The following LHFPL2 variants were observed in gnomAD, a reference collection of about 807,000 sequenced individuals.
LHFPL2 encodes the protein LHFPL tetraspan subfamily member 2.
LHFPL2 carries 7 observed loss-of-function variants against 17.5 expected under a neutral mutation model. That is an observed-to-expected ratio of 0.40 (90% confidence interval 0.23 to 0.75). The LOEUF (loss-of-function observed/expected upper bound fraction) is 0.75. LHFPL2 is among the 30% of genes least tolerant of loss of function. LHFPL2 has a pLI of 0.37. For synonymous variants in LHFPL2, 134 were observed against 116.2 expected (o/e 1.15, Z -0.99); for missense variants, 241 against 294.8 (o/e 0.82, Z 1.34).
At position 78,550,289 on chromosome 5, in the gene LHFPL2, T is replaced by C. The variant is rs115080305; in HGVS notation, c.-186+14524A>G. Among the ~76,000 whole-genome samples the C allele has an allele frequency of 2.9e-3, 449 of 152,292 alleles. 4 individuals are homozygous for C. The highest frequency in any genetic ancestry group is 0.01 in the African/African-American group (429 of 41,562). ...TCAACAGCCATGGCACGGAAGACAT[T>C]GAACTAATACTCTAGTCATGAGAAC... On this transcript the variant is annotated intron_variant, in intron 3 of 4. Transcript: ENST00000380345.
chr5:78,527,118 TCCAGTTCCCCGG>T (rs1755642111), intron 3 of LHFPL2, among the ~76,000 whole-genome samples: 1 of 152,156 alleles, frequency 6.6e-6, no homozygotes, highest in Admixed American at 6.5e-5. Flanking sequence ...GAAGGAGAAC[TCCAGTTCCCCGG>T]CCAGCATTTT....
intron 2 of LHFPL2, among the ~76,000 whole-genome samples, chr5:78,586,094 T>C (rs1185394250): frequency 6.6e-6 from 1 of 152,256 alleles, no homozygotes; most frequent in Non-Finnish European, 1.5e-5. Flanking sequence ...CTTCATCATG[T>C]GCCATTTGGA....
chr5:78,610,161 C>T (rs1202846100), intron 2 of LHFPL2, among the ~76,000 whole-genome samples: 1 of 152,136 alleles, frequency 6.6e-6, no homozygotes, highest in Non-Finnish European at 1.5e-5. Context: ...CACCAGCCTC[C>T]CAGTCAGCAA....
intron 2 of LHFPL2, among the ~76,000 whole-genome samples, chr5:78,602,280 G>A (rs905574712): frequency 1.3e-5 from 2 of 152,200 alleles, no homozygotes; most frequent in Non-Finnish European, 2.9e-5. Flanking sequence ...TTAGCTGTTT[G>A]TAAAATAGAA....
intron 1 of LHFPL2, among the ~76,000 whole-genome samples, chr5:78,639,531 C>T (rs1050307065): frequency 1.6e-4 from 25 of 152,014 alleles, no homozygotes; most frequent in African/African-American, 5.6e-4. Flanking sequence ...GCAGAAGAAC[C>T]CTGAAAGGCC....
intron 4 of LHFPL2, 103 bp from the exon 5 acceptor site, chr5:78,489,256 T>C: frequency 1.5e-6 from 2 of 1,303,904 alleles, no homozygotes; most frequent in East Asian, 2.3e-5. Context: ...GGCAAGGGCA[T>C]CTATTCTGCA....
chr5:78,592,468 G>A (rs887884032), intron 2 of LHFPL2, among the ~76,000 whole-genome samples: 6 of 152,180 alleles, frequency 3.9e-5, no homozygotes, highest in African/African-American at 9.7e-5. Context: ...TGCCCAGTGC[G>A]GGAAGCAGGG....
chr5:78,500,825 T>C (rs1754751113), intron 4 of LHFPL2, among the ~76,000 whole-genome samples: 1 of 152,146 alleles, frequency 6.6e-6, no homozygotes, highest in African/African-American at 2.4e-5. Flanking sequence ...AGTTCTGAAG[T>C]GATTCTTCAG....
chr5:78,583,020 T>G (rs187843855), intron 2 of LHFPL2, among the ~76,000 whole-genome samples: 3,121 of 152,196 alleles, frequency 0.021, 107 homozygotes, highest in African/African-American at 0.068. Flanking sequence ...TTGTTGAATT[T>G]ATCCCTTTAG....
intron 4 of LHFPL2, among the ~76,000 whole-genome samples, chr5:78,505,405 A>C (rs1408074758): frequency 2.0e-5 from 3 of 152,096 alleles, no homozygotes; most frequent in Non-Finnish European, 4.4e-5. Flanking sequence ...TGCAATCAAC[A>C]CTCAACGGCT....
chr5:78,533,471 G>A (rs1160459600), intron 3 of LHFPL2, among the ~76,000 whole-genome samples: 2 of 152,224 alleles, frequency 1.3e-5, no homozygotes, highest in African/African-American at 4.8e-5. Flanking sequence ...TGTGAGAGTA[G>A]GGGATGGGCG....
chr5:78,616,236 T>C (rs889107126), intron 2 of LHFPL2, among the ~76,000 whole-genome samples: 9 of 152,134 alleles, frequency 5.9e-5, no homozygotes, highest in Non-Finnish European at 1.3e-4. Flanking sequence ...ACGCCATTCT[T>C]CTGCCTCAAC....
chr5:78,506,831 T>G (rs1230626083), intron 4 of LHFPL2, among the ~76,000 whole-genome samples: 1 of 152,232 alleles, frequency 6.6e-6, no homozygotes, highest in Non-Finnish European at 1.5e-5. Flanking sequence ...AGTCAAACTA[T>G]GCAGGAATCT....
chr5:78,647,131 A>G (rs1413407638), intron 1 of LHFPL2, among the ~76,000 whole-genome samples: 3 of 152,260 alleles, frequency 2.0e-5, no homozygotes, highest in African/African-American at 7.2e-5. Flanking sequence ...TAACAGATCA[A>G]TAAGCTTATC....
At position 78,487,917 on chromosome 5, in the gene LHFPL2, A is replaced by T. The variant is rs1754302201; in HGVS notation, c.*980T>A. The T allele has an allele frequency of 6.6e-6, 1 of 152,206 alleles. No homozygotes were observed. Among genetic ancestry groups the T allele is most frequent in the African/African-American group, 2.4e-5 (1 of 41,456 alleles). The allele number at this position is 152,206 out of a possible 1,614,324, so 9.4% of individuals were successfully genotyped here. A position where few individuals can be genotyped will look rare whatever the true frequency, so the allele number is the denominator to read the frequency against. ...CCATTCTGCTACTGTCGGGATTGGAAATAGAGCTGACTACAGCATGGTCAC... is the reference window on the plus strand; with the variant it reads ...CCATTCTGCTACTGTCGGGATTGGATATAGAGCTGACTACAGCATGGTCAC... On this transcript the variant is annotated 3_prime_UTR_variant, in exon 5 of 5. Coordinates refer to ENST00000380345, the MANE Select transcript of LHFPL2 (RefSeq NM_005779.3).
chr5:78,604,823 T>G (rs1263494727), intron 2 of LHFPL2, among the ~76,000 whole-genome samples: 1 of 152,226 alleles, frequency 6.6e-6, no homozygotes, highest in East Asian at 1.9e-4. Flanking sequence ...CAGAAAACAT[T>G]CCTTTAATCC....
chr5:78,566,008 A>T (rs1756850511), intron 2 of LHFPL2, among the ~76,000 whole-genome samples: 1 of 152,256 alleles, frequency 6.6e-6, no homozygotes, highest in Non-Finnish European at 1.5e-5. Context: ...ATACGAGTAA[A>T]TATTTAGAAA....
At chr5:78,492,011 T>C (rs1376564762) in intron 4 of LHFPL2, among the ~76,000 whole-genome samples, 1 of 152,208 alleles carries the variant, frequency 6.6e-6, no homozygotes, top group Non-Finnish European at 1.5e-5. Context: ...AGGCCTATGA[T>C]AAACCCCAAT....
At chr5:78,537,342 TAGAAATG>T (rs148438258) in intron 3 of LHFPL2, among the ~76,000 whole-genome samples, 145 of 152,304 alleles carry the variant, frequency 9.5e-4, no homozygotes, top group African/African-American at 3.4e-3. Flanking sequence ...CCCAGATGGT[TAGAAATG>T]TGCAAGGCTT....
Sources: allele counts gnomAD v4.1 joint callset (sites outside exome capture counted in the v4.1 genomes callset), GRCh38; gene constraint gnomAD v4.1.1; transcripts MANE v1.5; gene names NCBI Gene and HGNC (gene_info 2026-07-23, HGNC 2026-07-21).